Variants in CRLF2 observed in about 807,000 individuals in gnomAD.
CRLF2 encodes the protein cytokine receptor like factor 2.
Under a neutral mutation model 38.7 loss-of-function variants are expected in CRLF2, and 41 were observed. That is an observed-to-expected ratio of 1.06 (90% confidence interval 0.83 to 1.37). CRLF2 has a LOEUF of 1.37. Among genes scored for constraint, CRLF2 ranks in the 40% most tolerant of loss-of-function variants. The pLI is 0.00. For missense variants in CRLF2, 377 were observed against 322.2 expected (o/e 1.17, Z -1.30); for synonymous variants, 140 against 128.8 (o/e 1.09, Z -0.59).
intron 3 of CRLF2, among the ~76,000 whole-genome samples, chrX:1,205,868 G>A (rs1213706525): frequency 6.6e-6 from 1 of 151,944 alleles, no homozygotes; most frequent in South Asian, 2.1e-4. Flanking sequence ...ATAAGCTGAA[G>A]GAAGTACGAA....
intron 5 of CRLF2, 92 bp from the exon 6 acceptor site, chrX:1,196,992 C>T (rs1388673587): frequency 5.8e-6 from 6 of 1,028,470 alleles, no homozygotes; most frequent in Non-Finnish European, 8.0e-6. Flanking sequence ...CCTAACCAGT[C>T]TCCCTCATTT....
intron 6 of CRLF2, 86 bp downstream of exon 6, chrX:1,196,694 C>CT: frequency 6.6e-7 from 1 of 1,524,424 alleles, no homozygotes; most frequent in Non-Finnish European, 8.9e-7. Context: ...GGAAATGACT[C>CT]TATCAGGCGA....
intron 3 of CRLF2, 66 bp downstream of exon 3, chrX:1,206,366 CA>C: frequency 6.9e-7 from 1 of 1,444,440 alleles, no homozygotes; most frequent in Non-Finnish European, 9.7e-7. Context: ...GCTTGGTTTT[CA>C]GTCCTTGTGG....
Position 1,200,799 on chromosome X carries a change from A to G in CRLF2, c.483+1603T>C, listed in dbSNP as rs28882212. 1.2e-3 allele frequency among the ~76,000 whole-genome samples: 171 copies of G among 143,822 alleles called. 1 individual carries two copies. Among genetic ancestry groups the G allele is most frequent in the African/African-American group, 3.0e-3 (115 of 38,806 alleles). The allele number at this position is 143,822 out of a possible 152,430, so 94.4% of individuals were successfully genotyped here. On this transcript the variant is annotated intron_variant, in intron 4 of 7. Transcript: ENST00000400841. ...TGTGTATCTATATGTGTGTATATGCATGTGTATATATGTATATATAAGCTG... is the reference window on the plus strand; with the variant it reads ...TGTGTATCTATATGTGTGTATATGCGTGTGTATATATGTATATATAAGCTG...
intron 2 of CRLF2, among the ~76,000 whole-genome samples, chrX:1,208,293 T>C (rs1185317238): frequency 6.6e-6 from 1 of 152,012 alleles, no homozygotes; most frequent in Non-Finnish European, 1.5e-5. Flanking sequence ...ATGCCGTGGC[T>C]CACGCCTGTC....
Position 1,196,793 on chromosome X carries a change from A to T in CRLF2, c.754T>A (p.Trp252Arg). Residue 252 changes from tryptophan to arginine, a missense_variant, in exon 6 of 8, where the codon TGG becomes AGG. Trp to Arg is a moderately radical substitution (Grantham distance 101). Coordinates refer to ENST00000400841, the MANE Select transcript of CRLF2 (RefSeq NM_022148.4). The part of the protein sequence containing the change: ...LMVSLLLLSL[W>R]KLWRVKKFLI... The stretch of plus-strand genomic sequence containing the variant: ...AGTCATCCTTACCTCCATAATTTCC[A>T]TAAAGACAGAAGGAGGAGAGACACC... 1 of 1,613,324 alleles carries T rather than the reference A, an allele frequency of 6.2e-7. No homozygotes were observed. The highest frequency in any genetic ancestry group is 8.5e-7 in the Non-Finnish European group (1 of 1,179,550).
At chrX:1,193,415 G>A in intron 6 of CRLF2, 113 bp from the exon 7 acceptor site, 1 of 397,112 alleles carries the variant, frequency 2.5e-6, no homozygotes, top group South Asian at 1.3e-4. Context: ...GGCAGAGCGG[G>A]GCCTTCCACA....
rs1281959490 is a variant in CRLF2 at position 1,194,089 on chromosome X, C to T, written c.768-787G>A. On this transcript the variant is annotated intron_variant, in intron 6 of 7. Coordinates refer to ENST00000400841, the MANE Select transcript of CRLF2 (RefSeq NM_022148.4). ...GCAGTGATCTGAGATTGTGCCACTG[C>T]TCTCCAGCCAGGGCAACAGACCGAG... Among the ~76,000 whole-genome samples, 536 of 151,878 alleles carry T rather than the reference C, an allele frequency of 3.5e-3. 3 individuals carry two copies. The highest frequency in any genetic ancestry group is 0.012 in the African/African-American group (504 of 41,412).
chrX:1,191,341 C>A (rs1221846213), intron 7 of CRLF2, among the ~76,000 whole-genome samples, 181 bp from the exon 8 acceptor site: 1 of 103,672 alleles, frequency 9.6e-6, no homozygotes, highest in Admixed American at 1.1e-4. Flanking sequence ...TTCTTTCTTT[C>A]TTTCCTTCTT....
At chrX:1,205,993 T>A (rs1424378884) in intron 3 of CRLF2, among the ~76,000 whole-genome samples, 1 of 151,870 alleles carries the variant, frequency 6.6e-6, no homozygotes, top group Non-Finnish European at 1.5e-5. Context: ...GTAGGCTGGG[T>A]TGCTTTTCAG....
chrX:1,200,451 G>A (rs1241836253), intron 4 of CRLF2, among the ~76,000 whole-genome samples: 1 of 151,348 alleles, frequency 6.6e-6, no homozygotes, highest in African/African-American at 2.4e-5. Context: ...TATATAAGGT[G>A]TGTGTATACG....
At chrX:1,203,919 A>G (rs2086649922) in intron 3 of CRLF2, among the ~76,000 whole-genome samples, 1 of 152,128 alleles carries the variant, frequency 6.6e-6, no homozygotes, top group Non-Finnish European at 1.5e-5. Context: ...TCTAAAAAAT[A>G]AAAAAGTAAA....
At chrX:1,212,244 A>G (rs1476655798) in intron 1 of CRLF2, among the ~76,000 whole-genome samples, 1 of 151,962 alleles carries the variant, frequency 6.6e-6, no homozygotes, top group African/African-American at 2.4e-5. Context: ...TCAATCAATC[A>G]ATAGATAGAC....
At chrX:1,200,564 A>T (rs143468814) in intron 4 of CRLF2, among the ~76,000 whole-genome samples, 27 of 130,408 alleles carry the variant, frequency 2.1e-4, no homozygotes, top group African/African-American at 7.0e-4. Flanking sequence ...ATATATGTGT[A>T]TATAAGCTGT....
intron 1 of CRLF2, 117 bp downstream of exon 1, chrX:1,212,432 AAAAAAAG>A (rs1360126093): frequency 1.0e-4 from 66 of 646,480 alleles, no homozygotes; most frequent in South Asian, 1.4e-4. Context: ...AAAAAAAAAA[AAAAAAAG>A]AAAAGAAGAA....
Position 1,198,681 on chromosome X carries a change from T to C in CRLF2, c.527A>G (p.Asp176Gly), listed in dbSNP as rs1485484662. ...NTCNVTIEGL[D>G]AEKCYSFWVR... ...CCAGAAAGAGTAACACTTCTCGGCA[T>C]CCAAGCCTTCTATGGTGACGTTGCA... is the stretch of plus-strand genomic sequence containing the variant. Residue 176 changes from aspartate (D) to glycine (G), a missense_variant, in exon 5 of 8, where the codon GAT (aspartate) becomes GGT (glycine). Transcript: ENST00000400841. 1 of 1,612,784 alleles carries C rather than the reference T, an allele frequency of 6.2e-7. No homozygotes were observed. The highest frequency in any genetic ancestry group is 8.5e-7 in the Non-Finnish European group (1 of 1,179,548).
chrX:1,207,823 T>A (rs1267455163), intron 2 of CRLF2, among the ~76,000 whole-genome samples: 2 of 151,312 alleles, frequency 1.3e-5, no homozygotes, highest in Admixed American at 1.3e-4. Context: ...CTAGTTTTTG[T>A]ATTTTTAGTA....
intron 3 of CRLF2, among the ~76,000 whole-genome samples, chrX:1,202,798 A>C (rs1390755237): frequency 6.6e-6 from 1 of 152,092 alleles, no homozygotes; most frequent in Non-Finnish European, 1.5e-5. Flanking sequence ...GTCCCCCACA[A>C]AAATATATGT....
At chrX:1,194,258 C>G (rs1307482845) in intron 6 of CRLF2, among the ~76,000 whole-genome samples, 1 of 151,996 alleles carries the variant, frequency 6.6e-6, no homozygotes, top group Non-Finnish European at 1.5e-5. Flanking sequence ...CCAGTGCTCT[C>G]CAGCCTGGGC....
Sources: allele counts gnomAD v4.1 joint callset (sites outside exome capture counted in the v4.1 genomes callset), GRCh38; gene constraint gnomAD v4.1.1; transcripts MANE v1.5; gene names NCBI Gene and HGNC (gene_info 2026-07-23, HGNC 2026-07-21).